Variants in WDPCP observed in about 807,000 individuals in gnomAD.
WDPCP encodes WD repeat containing planar cell polarity effector.
In WDPCP, 71 loss-of-function variants were observed where a neutral mutation model predicts 93.1. That is an observed-to-expected ratio of 0.76 (90% CI 0.63 to 0.93). WDPCP has a LOEUF of 0.93. Ranked by LOEUF, WDPCP falls within the 40% of genes least tolerant of loss-of-function variation. The pLI, the probability that WDPCP is intolerant of heterozygous loss-of-function variation, is 0.00. For missense variants in WDPCP, 844 were observed against 887.4 expected, an observed-to-expected ratio of 0.95 and a Z score of 0.62; for synonymous variants, 315 against 315.0, an observed-to-expected ratio of 1.00 and a Z score of 0.00.
At chr2:63,756,352 A>G (rs1333350618) in intron 2 of WDPCP, among the ~76,000 whole-genome samples, 1 of 152,224 alleles carries the variant, frequency 6.6e-6, no homozygotes, top group Non-Finnish European at 1.5e-5. Context: ...TAACAATTTA[A>G]GAAAGCAATA....
At chr2:63,595,137 C>T in intron 3 of WDPCP, 1 of 442,804 alleles carries the variant, frequency 2.3e-6, no homozygotes, top group South Asian at 2.1e-5. Context: ...ACAATAAGAG[C>T]AAGCTATAGC....
At position 63,486,637 on chromosome 2, in the gene WDPCP, T is replaced by G. The variant is rs746941782; in HGVS notation, c.209-51A>C. 4.6e-5 allele frequency: 67 copies of G among 1,465,684 alleles called. 1 individual carries two copies. The highest frequency in any genetic ancestry group is 3.7e-6 in the Non-Finnish European group (4 of 1,071,360). The allele number at this position is 1,465,684 out of a possible 1,614,324, so 90.8% of individuals were successfully genotyped here. A position where few individuals can be genotyped will look rare whatever the true frequency, so the allele number is the denominator to read the frequency against. On this transcript the variant is annotated intron_variant, in intron 3 of 17. Coordinates refer to ENST00000272321, the MANE Select transcript of WDPCP (RefSeq NM_015910.7). The stretch of plus-strand genomic sequence containing the variant: ...AAGAAAAAAACAAAAGTAGAATTTA[T>G]TTTTATTATAATGCCTTGTATTTTA...
intron 8 of WDPCP, among the ~76,000 whole-genome samples, chr2:63,436,836 G>C (rs1368029357): frequency 6.6e-6 from 1 of 152,008 alleles, no homozygotes; most frequent in Non-Finnish European, 1.5e-5. Flanking sequence ...TAAAAATTCT[G>C]CCTTAATAGA....
chr2:63,323,820 T>G (rs1475977578), intron 12 of WDPCP, among the ~76,000 whole-genome samples: 2 of 152,114 alleles, frequency 1.3e-5, no homozygotes, highest in Non-Finnish European at 2.9e-5. Flanking sequence ...CAGTCCCCCT[T>G]GTGGTCTGGG....
At chr2:63,241,627 C>T (rs1373639700) in intron 14 of WDPCP, among the ~76,000 whole-genome samples, 3 of 152,136 alleles carry the variant, frequency 2.0e-5, no homozygotes, top group African/African-American at 7.2e-5. Context: ...TAGAGACAGT[C>T]TTGCTCTGTA....
chr2:63,747,538 C>T (rs1480850212), intron 2 of WDPCP, among the ~76,000 whole-genome samples: 2 of 151,738 alleles, frequency 1.3e-5, no homozygotes, highest in African/African-American at 4.8e-5. Context: ...TTGAAAAACT[C>T]ATCATTTTCC....
intron 14 of WDPCP, among the ~76,000 whole-genome samples, chr2:63,238,661 A>G (rs2104621455): frequency 6.6e-6 from 1 of 152,290 alleles, no homozygotes; most frequent in Non-Finnish European, 1.5e-5. Context: ...ACAACAAACC[A>G]TATATGACAT....
chr2:63,663,631 A>T (rs1008029339), intron 2 of WDPCP, among the ~76,000 whole-genome samples: 6 of 152,274 alleles, frequency 3.9e-5, no homozygotes, highest in South Asian at 4.1e-4. Context: ...GGTGTGATTT[A>T]TAAAAGTTGG....
chr2:63,404,636 C>A lies in WDPCP; in HGVS notation c.847G>T (p.Glu283Ter). The part of the protein sequence containing the change: ...RLEVLSSVRT[E>*]WDPLDVRFGT... The stretch of plus-strand genomic sequence containing the variant: ...AAGCGAACATCCAGTGGGTCCCATT[C>A]TGTGCGGACAGAACTCAGAACCTGT... The change falls in exon 10 of 18, where the codon GAA becomes TAA. Residue 283 changes from glutamate to a stop codon, truncating the protein, a stop_gained. Coordinates refer to ENST00000272321, the MANE Select transcript of WDPCP (RefSeq NM_015910.7). LOFTEE classifies it high-confidence loss of function. 6.2e-7 allele frequency: 1 copy of A among 1,614,082 alleles called. No homozygotes were observed. Among genetic ancestry groups the A allele is most frequent in the Non-Finnish European group, 8.5e-7 (1 of 1,179,972 alleles).
rs182827925 is a variant in WDPCP at position 63,412,947 on chromosome 2, C to T, written c.826-8290G>A. On this transcript the variant is annotated intron_variant, in intron 9 of 17. Transcript: ENST00000272321. ...AATGTTGTGAAAATGACCATACTGC[C>T]AAAAGCAATCTACAAATTCAATCCA... is the stretch of plus-strand genomic sequence containing the variant. 5.8e-3 allele frequency among the ~76,000 whole-genome samples: 882 copies of T among 152,246 alleles called. 6 individuals carry two copies. Among genetic ancestry groups the T allele is most frequent in the Middle Eastern group, 6.8e-3 (2 of 294 alleles).
At chr2:63,673,099 T>C (rs1182076836) in intron 2 of WDPCP, among the ~76,000 whole-genome samples, 1 of 152,138 alleles carries the variant, frequency 6.6e-6, no homozygotes, top group Non-Finnish European at 1.5e-5. Context: ...GGATTAAATA[T>C]AATATAAATA....
intron 13 of WDPCP, among the ~76,000 whole-genome samples, chr2:63,262,732 C>G (rs1033942098): frequency 6.6e-6 from 1 of 151,920 alleles, no homozygotes; most frequent in Non-Finnish European, 1.5e-5. Flanking sequence ...TGATTTCTCC[C>G]CTGTATTTTA....
chr2:63,323,787 G>A (rs1039900103), intron 12 of WDPCP, among the ~76,000 whole-genome samples: 8 of 152,146 alleles, frequency 5.3e-5, no homozygotes, highest in African/African-American at 1.7e-4. Context: ...GCGTTGGTAA[G>A]GGCCACTAAA....
chr2:63,485,531 G>C (rs1360157968), intron 4 of WDPCP, among the ~76,000 whole-genome samples: 1 of 151,676 alleles, frequency 6.6e-6, no homozygotes, highest in African/African-American at 2.4e-5. Flanking sequence ...TAACAAATTA[G>C]GCCCTAATAG....
chr2:63,507,745 C>A (rs1701972902), intron 1 of WDPCP, among the ~76,000 whole-genome samples: 1 of 152,048 alleles, frequency 6.6e-6, no homozygotes, highest in African/African-American at 2.4e-5. Context: ...CATAAATGAC[C>A]TGATGGAGCT....
chr2:63,607,487 G>T (rs1298624930), intron 3 of WDPCP, among the ~76,000 whole-genome samples: 3 of 151,688 alleles, frequency 2.0e-5, no homozygotes, highest in African/African-American at 4.8e-5. Context: ...AGTGAGCCAA[G>T]ATTGCGCCAC....
At chr2:63,431,159 A>ATT (rs11405769) in intron 9 of WDPCP, among the ~76,000 whole-genome samples, 9 of 151,478 alleles carry the variant, frequency 5.9e-5, no homozygotes, top group South Asian at 2.1e-4. Context: ...CTTAAAAAAC[A>ATT]TTTTTTTTAA....
intron 1 of WDPCP, among the ~76,000 whole-genome samples, chr2:63,551,959 CT>C (rs36189794): frequency 0.095 from 11,575 of 122,042 alleles, 603 homozygotes; most frequent in Middle Eastern, 0.17. Flanking sequence ...CTTTCATTTT[CT>C]TTTTTTTTTT....
chr2:63,597,513 A>G, intron 3 of WDPCP: 1 of 1,511,712 alleles, frequency 6.6e-7, no homozygotes, highest in Non-Finnish European at 8.9e-7. Context: ...CTGAAAGCAA[A>G]TGTGAAAATC....
Sources: allele counts gnomAD v4.1 joint callset (sites outside exome capture counted in the v4.1 genomes callset), GRCh38; gene constraint gnomAD v4.1.1; transcripts MANE v1.5; gene names NCBI Gene and HGNC (gene_info 2026-07-23, HGNC 2026-07-21).